C4orf36: variants seen among roughly 807,000 people sequenced by gnomAD.
C4orf36 encodes the protein uncharacterized protein C4orf36.
Under a neutral mutation model 12.2 loss-of-function variants are expected in C4orf36, and 11 were observed. The ratio of observed to expected loss-of-function variants is 0.90; its 90% CI spans 0.57 to 1.49. C4orf36 has a LOEUF of 1.49. Among genes scored for constraint, C4orf36 ranks in the 40% most tolerant of loss-of-function variants. The pLI, the probability that C4orf36 is intolerant of heterozygous loss-of-function variation, is 0.00. For synonymous variants in C4orf36, 54 were observed against 51.3 expected (o/e 1.05, Z -0.22); for missense variants, 137 against 133.9 (o/e 1.02, Z -0.11).
chr4:86,906,413 A>G, the C4orf36 span, among the ~76,000 whole-genome samples: 2 of 152,164 alleles, frequency 1.3e-5, no homozygotes, highest in Non-Finnish European at 2.9e-5. Flanking sequence ...GGATTCAGAT[A>G]GTATGGGCCA....
At chr4:86,885,483 G>A (rs1169761158) in intron 4 of C4orf36, among the ~76,000 whole-genome samples, 2 of 152,222 alleles carry the variant, frequency 1.3e-5, no homozygotes, top group East Asian at 1.9e-4. Flanking sequence ...GTTCATTCAC[G>A]ATTTGGCTCT....
chr4:86,923,588 T>C, the C4orf36 span, among the ~76,000 whole-genome samples: 7 of 152,132 alleles, frequency 4.6e-5, no homozygotes, highest in South Asian at 1.5e-3. Context: ...TGAAACCCTG[T>C]CTCTACTAAA....
chr4:86,927,561 G>A, the C4orf36 span, among the ~76,000 whole-genome samples: 6 of 152,148 alleles, frequency 3.9e-5, no homozygotes, highest in East Asian at 3.9e-4. Flanking sequence ...TTGGGAGGCC[G>A]AGGCGGGTGG....
chr4:86,926,210 TC>T, the C4orf36 span: 5 of 152,452 alleles, frequency 3.3e-5, no homozygotes, highest in South Asian at 1.0e-3. Flanking sequence ...GTTTCTAATT[TC>T]CCCTCTTGGG....
chr4:86,927,845 G>A, the C4orf36 span, among the ~76,000 whole-genome samples: 1 of 152,076 alleles, frequency 6.6e-6, no homozygotes, highest in South Asian at 2.1e-4. Flanking sequence ...AGAATGAGGA[G>A]TTGATACTGA....
chr4:86,895,193 G>A (rs6826767), upstream of C4orf36, among the ~76,000 whole-genome samples: 24,040 of 152,010 alleles, frequency 0.16, 2,234 homozygotes, highest in Middle Eastern at 0.21. Context: ...GCACACACCT[G>A]TAGCCCCAAC....
the C4orf36 span, among the ~76,000 whole-genome samples, chr4:86,929,873 T>C: frequency 6.6e-6 from 1 of 152,242 alleles, no homozygotes; most frequent in Non-Finnish European, 1.5e-5. Context: ...GAGTCTATAA[T>C]GGCACCATTA....
chr4:86,906,767 C>T, the C4orf36 span, among the ~76,000 whole-genome samples: 326 of 143,166 alleles, frequency 2.3e-3, 2 homozygotes, highest in Non-Finnish European at 3.3e-3. Flanking sequence ...TGGCTGGGCA[C>T]GGTGCCTCAC....
chr4:86,878,277 T>C (rs146776210), intron 4 of C4orf36, among the ~76,000 whole-genome samples: 39 of 152,286 alleles, frequency 2.6e-4, no homozygotes, highest in African/African-American at 8.9e-4. Flanking sequence ...CCTGTATGGC[T>C]TCACTGGACC....
At chr4:86,924,244 G>A in the C4orf36 span, among the ~76,000 whole-genome samples, 1 of 152,192 alleles carries the variant, frequency 6.6e-6, no homozygotes, top group Non-Finnish European at 1.5e-5. Context: ...CTGTCACACA[G>A]ATTGGAGTGC....
chr4:86,883,890 G>A (rs562642406), intron 4 of C4orf36, among the ~76,000 whole-genome samples: 1 of 152,160 alleles, frequency 6.6e-6, no homozygotes, highest in Admixed American at 6.5e-5. Context: ...TTAGCTAGGT[G>A]TGGTGGTGCA....
upstream of C4orf36, among the ~76,000 whole-genome samples, chr4:86,893,246 G>A (rs140998504): frequency 0.017 from 2,643 of 152,312 alleles, 77 homozygotes; most frequent in African/African-American, 0.06. Context: ...GAGTCACATG[G>A]CAAGTTCCAA....
chr4:86,897,749 T>C, the C4orf36 span, among the ~76,000 whole-genome samples: 1 of 134,076 alleles, frequency 7.5e-6, no homozygotes, highest in Non-Finnish European at 1.7e-5. Context: ...ATTCTCCTGT[T>C]CCAAGATATA....
the C4orf36 span, among the ~76,000 whole-genome samples, chr4:86,901,593 A>C: frequency 3.3e-5 from 5 of 150,556 alleles, no homozygotes; most frequent in Non-Finnish European, 5.9e-5. Flanking sequence ...TTGTATTTTT[A>C]GTAGAGATGG....
At chr4:86,919,812 T>C in the C4orf36 span, among the ~76,000 whole-genome samples, 1 of 151,874 alleles carries the variant, frequency 6.6e-6, no homozygotes, top group Non-Finnish European at 1.5e-5. Context: ...AGGCAGGGAG[T>C]TCAGTTGAGC....
At chr4:86,897,731 C>T in the C4orf36 span, among the ~76,000 whole-genome samples, 2 of 150,376 alleles carry the variant, frequency 1.3e-5, no homozygotes, top group African/African-American at 4.9e-5. Context: ...CAAAGCAGGT[C>T]AGAATCCATT....
intron 4 of C4orf36, among the ~76,000 whole-genome samples, chr4:86,878,822 A>C (rs1746981605): frequency 6.6e-6 from 1 of 152,222 alleles, no homozygotes; most frequent in South Asian, 2.1e-4. Context: ...ACAGTTTGTT[A>C]CAGCACTGGA....
chr4:86,929,294 T>G, the C4orf36 span, among the ~76,000 whole-genome samples: 1 of 152,224 alleles, frequency 6.6e-6, no homozygotes, highest in Non-Finnish European at 1.5e-5. Flanking sequence ...TAGGGAAAGT[T>G]CATTTTCAAG....
At chr4:86,882,875 C>A (rs940573843) in intron 4 of C4orf36, among the ~76,000 whole-genome samples, 1 of 152,198 alleles carries the variant, frequency 6.6e-6, no homozygotes, top group Non-Finnish European at 1.5e-5. Flanking sequence ...GTGTGATACA[C>A]GCCCTGGGAG....
Sources: allele counts gnomAD v4.1 joint callset (sites outside exome capture counted in the v4.1 genomes callset), GRCh38; gene constraint gnomAD v4.1.1; transcripts MANE v1.5; gene names NCBI Gene and HGNC (gene_info 2026-07-23, HGNC 2026-07-21).